TENM3: variants seen among roughly 807,000 people sequenced by gnomAD.
TENM3 encodes the protein teneurin-3.
A neutral mutation model predicts 255.1 loss-of-function variants in TENM3; 63 were observed. The ratio of observed to expected loss-of-function variants is 0.25; its 90% CI spans 0.20 to 0.30. TENM3 has a LOEUF of 0.30. Among genes scored for constraint, TENM3 ranks in the 10% least tolerant of loss-of-function variants. The pLI, the probability that TENM3 is intolerant of heterozygous loss-of-function variation, is 1.00. For missense variants in TENM3, 2,929 were observed against 3,461.1 expected, an observed-to-expected ratio of 0.85 and a Z score of 3.86; for synonymous variants, 1,306 against 1,322.3, an observed-to-expected ratio of 0.99 and a Z score of 0.27.
At chr4:181,637,241 G>A in the TENM3 span, among the ~76,000 whole-genome samples, 1 of 152,096 alleles carries the variant, frequency 6.6e-6, no homozygotes, top group African/African-American at 2.4e-5. Flanking sequence ...AAACTTCAGT[G>A]TCTTATCAAA....
the TENM3 span, among the ~76,000 whole-genome samples, chr4:182,076,105 C>T: frequency 1.3e-5 from 2 of 152,010 alleles, no homozygotes; most frequent in Admixed American, 1.3e-4. Context: ...GAGATGAGGT[C>T]TCACTATGTT....
the TENM3 span, among the ~76,000 whole-genome samples, chr4:181,465,033 AC>A: frequency 9.1e-3 from 1,389 of 152,320 alleles, 12 homozygotes; most frequent in Non-Finnish European, 0.016. Context: ...CTGTCATCTA[AC>A]CCGAGGTGAA....
intron 15 of TENM3, 109 bp downstream of exon 15, chr4:182,730,428 CT>C (rs35916726): frequency 8.1e-7 from 1 of 1,233,144 alleles, no homozygotes; most frequent in Non-Finnish European, 1.1e-6. Flanking sequence ...AATGCAGCAA[CT>C]TTTTAGACTC....
chr4:181,896,589 GC>G, the TENM3 span, among the ~76,000 whole-genome samples: 1 of 152,148 alleles, frequency 6.6e-6, no homozygotes, highest in Admixed American at 6.6e-5. Context: ...ACCATCTGAA[GC>G]CATGGTACAC....
chr4:182,493,086 A>G (rs1002029036), intron 3 of TENM3, among the ~76,000 whole-genome samples: 3 of 152,164 alleles, frequency 2.0e-5, no homozygotes, highest in African/African-American at 4.8e-5. Flanking sequence ...GCATTCTTAT[A>G]TAAACTTCCT....
intron 1 of TENM3, among the ~76,000 whole-genome samples, chr4:182,233,758 G>T (rs1756721773): frequency 6.6e-6 from 1 of 152,186 alleles, no homozygotes; most frequent in African/African-American, 2.4e-5. Flanking sequence ...GATATTTCCA[G>T]TTTTTTCCCA....
At chr4:181,530,808 T>G in the TENM3 span, among the ~76,000 whole-genome samples, 1 of 152,220 alleles carries the variant, frequency 6.6e-6, no homozygotes, top group African/African-American at 2.4e-5. Context: ...TGTGTGTGCG[T>G]GCATGTGCAT....
At chr4:182,557,954 C>G (rs972171185) in intron 3 of TENM3, among the ~76,000 whole-genome samples, 1 of 152,200 alleles carries the variant, frequency 6.6e-6, no homozygotes, top group African/African-American at 2.4e-5. Context: ...TAGTTTACTT[C>G]CCGCTTGATC....
the TENM3 span, among the ~76,000 whole-genome samples, chr4:182,119,586 C>T: frequency 6.6e-6 from 1 of 152,132 alleles, no homozygotes; most frequent in Non-Finnish European, 1.5e-5. Flanking sequence ...GACCTCCCTT[C>T]TTTGAGGGAC....
At chr4:182,061,476 C>G in the TENM3 span, among the ~76,000 whole-genome samples, 1 of 151,998 alleles carries the variant, frequency 6.6e-6, no homozygotes, top group South Asian at 2.1e-4. Flanking sequence ...GTTTTGATTA[C>G]CCTCAGTGCT....
At chr4:182,211,965 C>G (rs1755071412) in intron 1 of TENM3, among the ~76,000 whole-genome samples, 1 of 152,092 alleles carries the variant, frequency 6.6e-6, no homozygotes, top group Non-Finnish European at 1.5e-5. Flanking sequence ...TAGCCCAGAG[C>G]CTGGCACGTG....
the TENM3 span, among the ~76,000 whole-genome samples, chr4:181,657,181 T>C: frequency 1.3e-5 from 2 of 152,222 alleles, no homozygotes; most frequent in Non-Finnish European, 2.9e-5. Context: ...TCTCGCAGCA[T>C]TATGCCAATG....
At chr4:182,726,452 T>TGGGAG (rs1760193542) in intron 13 of TENM3, among the ~76,000 whole-genome samples, 1 of 152,078 alleles carries the variant, frequency 6.6e-6, no homozygotes, top group Non-Finnish European at 1.5e-5. Context: ...TCCCAGCAGC[T>TGGGAG]TCTATACCGG....
chr4:181,663,576 A>G, the TENM3 span, among the ~76,000 whole-genome samples: 3 of 152,210 alleles, frequency 2.0e-5, no homozygotes, highest in Non-Finnish European at 4.4e-5. Context: ...TAGGAAATAA[A>G]TATTTTATGA....
chr4:181,783,026 G>A, the TENM3 span, among the ~76,000 whole-genome samples: 1 of 152,156 alleles, frequency 6.6e-6, no homozygotes, highest in Non-Finnish European at 1.5e-5. Context: ...TTGCTGAGGA[G>A]TGCTTTACTT....
At chr4:181,557,371 C>T in the TENM3 span, among the ~76,000 whole-genome samples, 1 of 152,086 alleles carries the variant, frequency 6.6e-6, no homozygotes. Flanking sequence ...AGCCCCATTC[C>T]AAAGTAATAG....
the TENM3 span, among the ~76,000 whole-genome samples, chr4:182,099,696 C>A: frequency 6.6e-6 from 1 of 152,078 alleles, no homozygotes; most frequent in Admixed American, 6.6e-5. Flanking sequence ...ATCACAGGGC[C>A]TGCGAAGACT....
chr4:182,289,094 G>A (rs761897016), intron 1 of TENM3, among the ~76,000 whole-genome samples: 2 of 152,134 alleles, frequency 1.3e-5, no homozygotes, highest in Non-Finnish European at 2.9e-5. Flanking sequence ...GCCTGGCATG[G>A]TGGTGCACAC....
chr4:181,577,212 T>A, the TENM3 span, among the ~76,000 whole-genome samples: 7 of 106,534 alleles, frequency 6.6e-5, no homozygotes, highest in Non-Finnish European at 1.1e-4. Flanking sequence ...TATATATATT[T>A]TTTTTTTAAG....
Sources: allele counts gnomAD v4.1 joint callset (sites outside exome capture counted in the v4.1 genomes callset), GRCh38; gene constraint gnomAD v4.1.1; transcripts MANE v1.5; gene names NCBI Gene and HGNC (gene_info 2026-07-23, HGNC 2026-07-21).